RIMS1: variants seen among roughly 807,000 people sequenced by gnomAD.
The protein encoded by RIMS1 is regulating synaptic membrane exocytosis 1, also known as regulating synaptic membrane exocytosis protein 1.
RIMS1 carries 83 observed loss-of-function variants against 214.1 expected under a neutral mutation model. That is an observed-to-expected ratio of 0.39 (90% CI 0.32 to 0.47). The LOEUF (loss-of-function observed/expected upper bound fraction) is 0.47, where lower values mean the gene tolerates loss of function less well. Among genes scored for constraint, RIMS1 ranks in the 20% least tolerant of loss-of-function variants. The probability of loss-of-function intolerance (pLI) is 0.99; values close to 1 mark genes in which losing one functional copy is unlikely to be tolerated. For missense variants in RIMS1, 2,050 were observed against 2,161.8 expected (o/e 0.95, Z 1.03); for synonymous variants, 793 against 786.8 (o/e 1.01, Z -0.13).
At chr6:72,244,775 C>A (rs1312452868) in intron 10 of RIMS1, among the ~76,000 whole-genome samples, 1 of 151,778 alleles carries the variant, frequency 6.6e-6, no homozygotes, top group Non-Finnish European at 1.5e-5. Context: ...AATTACTTTG[C>A]ACAAAATAGT....
At position 72,248,104 on chromosome 6, in the gene RIMS1, C is replaced by T; in HGVS notation, c.2218C>T (p.Gln740Ter). The T allele has an allele frequency of 6.2e-7, 1 of 1,611,540 alleles. No homozygotes were observed. The change falls in exon 12 of 34, where the codon CAA becomes TAA. Residue 740 changes from glutamine (Q) to a stop codon, truncating the protein, a stop_gained. Coordinates refer to ENST00000521978, the MANE Select transcript of RIMS1 (RefSeq NM_014989.7). LOFTEE classifies it high-confidence loss of function. ...TSPGALKDAP[Q>*]VLPGQLSVKL... ...TCCTGGAGCTCTAAAAGATGCCCCA[C>T]AAGTCTTACCAGGGCAACTTTCTGT...
chr6:72,019,825 T>C (rs557365), intron 2 of RIMS1, among the ~76,000 whole-genome samples: 33,143 of 152,126 alleles, frequency 0.22, 4,425 homozygotes, highest in East Asian at 0.32. Flanking sequence ...TGGTTAATTG[T>C]AGTTTTTTTC....
chr6:72,068,211 T>A (rs1829776954), intron 2 of RIMS1, among the ~76,000 whole-genome samples: 1 of 152,222 alleles, frequency 6.6e-6, no homozygotes, highest in Non-Finnish European at 1.5e-5. Flanking sequence ...CCAGTAATAT[T>A]CTACCATGTT....
At chr6:72,235,749 TG>T (rs774297808) in intron 8 of RIMS1, 21 bp downstream of exon 8, 8 of 1,479,370 alleles carry the variant, frequency 5.4e-6, no homozygotes, top group Non-Finnish European at 7.4e-6. Context: ...TGGTTTAAAA[TG>T]TTTCTTAAAG....
At chr6:72,190,389 G>C (rs2049865359) in intron 6 of RIMS1, among the ~76,000 whole-genome samples, 1 of 150,678 alleles carries the variant, frequency 6.6e-6, no homozygotes, top group South Asian at 2.1e-4. Flanking sequence ...TTTGAACCCG[G>C]GAGGCAGAGG....
chr6:72,060,931 T>A (rs1339318916), intron 2 of RIMS1, among the ~76,000 whole-genome samples: 1 of 152,238 alleles, frequency 6.6e-6, no homozygotes, highest in Non-Finnish European at 1.5e-5. Context: ...ATTTGTTGAA[T>A]GAGAAAATTT....
chr6:72,209,116 G>A (rs1032758116), intron 6 of RIMS1, among the ~76,000 whole-genome samples: 2 of 152,054 alleles, frequency 1.3e-5, no homozygotes, highest in Non-Finnish European at 2.9e-5. Context: ...ATTATAAATG[G>A]CATCATTACT....
At chr6:72,269,854 G>A (rs532222907) in intron 22 of RIMS1, among the ~76,000 whole-genome samples, 2 of 152,018 alleles carry the variant, frequency 1.3e-5, no homozygotes, top group Admixed American at 1.3e-4. Flanking sequence ...TTTGTTGTCT[G>A]ATTAAAAATT....
chr6:72,374,258 A>G (rs1164613890), intron 29 of RIMS1, among the ~76,000 whole-genome samples: 2 of 152,062 alleles, frequency 1.3e-5, no homozygotes, highest in East Asian at 3.9e-4. Context: ...AATTCTCACC[A>G]CCAAACCATT....
intron 2 of RIMS1, among the ~76,000 whole-genome samples, chr6:72,039,156 C>T (rs960240364): frequency 9.2e-5 from 5 of 54,248 alleles, no homozygotes; most frequent in African/African-American, 8.6e-4. Context: ...AAGGGCTTTC[C>T]AAAAGAAGTA....
chr6:72,392,700 T>G lies in RIMS1; in HGVS notation c.4508T>G (p.Leu1503Ter). 1 of 1,604,386 alleles carries G rather than the reference T, an allele frequency of 6.2e-7. No homozygotes were observed. Among genetic ancestry groups the G allele is most frequent in the Non-Finnish European group, 8.5e-7 (1 of 1,171,094 alleles). ...GGTTTTTATCCTTTTGCTGATAGTT[T>G]AATATTTCCTGGAGTGCGACTGGGA... ...SINSYSSEGN[L>*]IFPGVRLGAD... is the part of the protein sequence containing the mutation. The change falls in exon 31 of 34, where the codon TTA (leucine) becomes TGA (stop). Residue 1503 changes from leucine to a stop codon, truncating the protein, a stop_gained and splice_region_variant. Coordinates refer to ENST00000521978, the MANE Select transcript of RIMS1 (RefSeq NM_014989.7). LOFTEE classifies it high-confidence loss of function.
chr6:72,183,223 C>T, intron 6 of RIMS1, 74 bp downstream of exon 6: 2 of 1,475,092 alleles, frequency 1.4e-6, no homozygotes, highest in South Asian at 2.4e-5. Flanking sequence ...AGGTGCTAGG[C>T]TAGTTGCTGG....
intron 30 of RIMS1, among the ~76,000 whole-genome samples, chr6:72,392,295 T>A (rs2098714508): frequency 6.6e-6 from 1 of 152,244 alleles, no homozygotes; most frequent in Non-Finnish European, 1.5e-5. Context: ...TGTTATAACA[T>A]TTATTCAAGA....
chr6:72,400,007 A>C (rs2098823026), intron 33 of RIMS1, among the ~76,000 whole-genome samples: 1 of 152,182 alleles, frequency 6.6e-6, no homozygotes, highest in Non-Finnish European at 1.5e-5. Context: ...CACTAAAAAG[A>C]CCATAATACG....
At position 72,210,379 on chromosome 6, in the gene RIMS1, C is replaced by A. The variant is rs967296919; in HGVS notation, c.1679-23394C>A. On this transcript the variant is annotated intron_variant, in intron 6 of 33. Coordinates refer to ENST00000521978, the MANE Select transcript of RIMS1 (RefSeq NM_014989.7). ...GACTTCTGACCACCTTTTCTGGTAA[C>A]GTGCCTTGTTATTTTTCTAGAAAAG... Among the ~76,000 whole-genome samples, 4 of 152,252 alleles carry A rather than the reference C, an allele frequency of 2.6e-5. No homozygotes were observed. The South Asian group carries it at 8.3e-4, about 32-fold the overall frequency.
At chr6:72,180,423 C>G (rs970833767) in intron 5 of RIMS1, among the ~76,000 whole-genome samples, 3 of 152,146 alleles carry the variant, frequency 2.0e-5, no homozygotes, top group African/African-American at 7.2e-5. Flanking sequence ...AAGGAACAAG[C>G]CCAACGTGAG....
chr6:72,129,098 G>A (rs2040048645), intron 4 of RIMS1, among the ~76,000 whole-genome samples: 1 of 151,914 alleles, frequency 6.6e-6, no homozygotes, highest in African/African-American at 2.4e-5. Flanking sequence ...AATATTCTTT[G>A]TTAGCTCTTC....
intron 26 of RIMS1, among the ~76,000 whole-genome samples, chr6:72,300,833 G>A (rs1473017886): frequency 6.6e-6 from 1 of 151,698 alleles, no homozygotes; most frequent in African/African-American, 2.4e-5. Context: ...GACATCCTGA[G>A]CTTCGTTTTA....
chr6:72,191,214 A>G (rs557617854), intron 6 of RIMS1, among the ~76,000 whole-genome samples: 30 of 152,290 alleles, frequency 2.0e-4, no homozygotes, highest in African/African-American at 7.0e-4. Context: ...CAAATGAGGA[A>G]TGTGTTGCCT....
Sources: allele counts gnomAD v4.1 joint callset (sites outside exome capture counted in the v4.1 genomes callset), GRCh38; gene constraint gnomAD v4.1.1; transcripts MANE v1.5; gene names NCBI Gene and HGNC (gene_info 2026-07-23, HGNC 2026-07-21).